Variants in CELF4 observed in about 807,000 individuals in gnomAD.
CELF4 encodes CUG-BP- and ETR-3-like factor 4.
In CELF4, 18 loss-of-function variants were observed where a neutral mutation model predicts 59.9. That is an observed-to-expected ratio of 0.30 (90% confidence interval 0.21 to 0.45). CELF4 has a LOEUF of 0.45. Among genes scored for constraint, CELF4 ranks in the 20% least tolerant of loss-of-function variants. The pLI, the probability that CELF4 is intolerant of heterozygous loss-of-function variation, is 1.00. For synonymous variants in CELF4, 261 were observed against 267.1 expected, an observed-to-expected ratio of 0.98 and a Z score of 0.22; for missense variants, 456 against 689.0, an observed-to-expected ratio of 0.66 and a Z score of 3.79.
chr18:37,359,937 C>G (rs909752272), intron 2 of CELF4, among the ~76,000 whole-genome samples: 8 of 151,850 alleles, frequency 5.3e-5, no homozygotes, highest in Non-Finnish European at 8.8e-5. Flanking sequence ...GCAACCTCCA[C>G]TTCCCCAGTT....
At position 37,295,817 on chromosome 18, in the gene CELF4, T is replaced by C. The variant is rs80180211; in HGVS notation, c.449-20574A>G. ...AAACCTAGAGTTGATCTTTCCAGCA[T>C]TGGCGGCGAGAGGAAGAGGAACTGC... On this transcript the variant is annotated intron_variant, in intron 3 of 12. Coordinates refer to ENST00000420428, the MANE Select transcript of CELF4 (RefSeq NM_020180.4). 1.8e-3 allele frequency among the ~76,000 whole-genome samples: 276 copies of C among 152,340 alleles called. 3 individuals are homozygous for C. The East Asian group carries it at 0.045, about 25-fold the overall frequency.
intron 2 of CELF4, among the ~76,000 whole-genome samples, chr18:37,359,249 A>T (rs1018956100): frequency 1.3e-5 from 2 of 152,360 alleles, no homozygotes; most frequent in African/African-American, 4.8e-5. Flanking sequence ...AGGATCTCAG[A>T]GGTGCCAAAG....
In CELF4 at chr18:37,505,915, G is replaced by A. The variant is rs190647142; in HGVS notation, c.287-20308C>T. Among the ~76,000 whole-genome samples the A allele has an allele frequency of 1.9e-3, 287 of 152,302 alleles. 2 individuals carry two copies. The highest frequency in any genetic ancestry group is 1.7e-3 in the Non-Finnish European group (113 of 68,032). ...GCCCAGTCCTCCCAGAACCACACTG[G>A]AGCAAGTCTTTTCCATGAGGCACGT... On this transcript the variant is annotated intron_variant, in intron 1 of 12. Coordinates refer to ENST00000420428, the MANE Select transcript of CELF4 (RefSeq NM_020180.4).
At chr18:37,390,119 C>T (rs1164109213) in intron 2 of CELF4, among the ~76,000 whole-genome samples, 1 of 152,208 alleles carries the variant, frequency 6.6e-6, no homozygotes, top group Non-Finnish European at 1.5e-5. Context: ...AGGATGGCTT[C>T]TAGGACACCT....
intron 2 of CELF4, among the ~76,000 whole-genome samples, chr18:37,476,268 G>A (rs1022462534): frequency 1.3e-5 from 2 of 152,216 alleles, no homozygotes; most frequent in Admixed American, 6.5e-5. Context: ...GGGTGGAGCC[G>A]AGTGTTCGGC....
chr18:37,287,287 T>C (rs1018997860), intron 3 of CELF4, among the ~76,000 whole-genome samples: 1 of 152,236 alleles, frequency 6.6e-6, no homozygotes, highest in African/African-American at 2.4e-5. Context: ...CCTCAGGCAC[T>C]GCGTCCCTGG....
At chr18:37,271,010 T>C in intron 7 of CELF4, 93 bp from the exon 8 acceptor site, 1 of 1,131,646 alleles carries the variant, frequency 8.8e-7, no homozygotes, top group Non-Finnish European at 1.2e-6. Context: ...CTCAACTGTT[T>C]CCAAGGACCT....
Position 37,337,834 on chromosome 18 carries a change from T to C in CELF4, c.370-15953A>G, listed in dbSNP as rs1025158228. On this transcript the variant is annotated intron_variant, in intron 2 of 12. Transcript: ENST00000420428. ...GGCCACTGTGCCAGGGACAGGATTC[T>C]TGGTTTAGTTCTTCTAGAAAAGTTG... Among the ~76,000 whole-genome samples the C allele has an allele frequency of 9.9e-5, 15 of 152,222 alleles. 1 individual carries two copies. Among genetic ancestry groups the C allele is most frequent in the African/African-American group, 3.6e-4 (15 of 41,454 alleles).
At chr18:37,352,139 A>C (rs978511859) in intron 2 of CELF4, among the ~76,000 whole-genome samples, 1 of 152,182 alleles carries the variant, frequency 6.6e-6, no homozygotes, top group African/African-American at 2.4e-5. Flanking sequence ...TATTCTGAAA[A>C]CTGGGAATTT....
intron 1 of CELF4, among the ~76,000 whole-genome samples, chr18:37,530,886 AAGTC>A (rs1242359719): frequency 1.3e-5 from 2 of 151,902 alleles, no homozygotes; most frequent in Admixed American, 1.3e-4. Flanking sequence ...AGGAAGGAAA[AAGTC>A]AGCAGGATTA....
intron 1 of CELF4, among the ~76,000 whole-genome samples, chr18:37,490,389 A>C (rs2099897689): frequency 6.6e-6 from 1 of 152,228 alleles, no homozygotes; most frequent in African/African-American, 2.4e-5. Flanking sequence ...AGGAAAAAAA[A>C]AATCTTTACT....
chr18:37,507,268 C>T (rs757751432), intron 1 of CELF4, among the ~76,000 whole-genome samples: 11 of 152,194 alleles, frequency 7.2e-5, no homozygotes, highest in Non-Finnish European at 1.2e-4. Context: ...GAGGAGGCCC[C>T]TCCCCTTCTC....
intron 7 of CELF4, among the ~76,000 whole-genome samples, chr18:37,271,691 G>T (rs1326963213): frequency 1.3e-5 from 2 of 152,102 alleles, no homozygotes; most frequent in African/African-American, 4.8e-5. Context: ...TCTTAATTCT[G>T]GCCTTCTCTC....
intron 1 of CELF4, among the ~76,000 whole-genome samples, chr18:37,545,959 C>T (rs547605062): frequency 2.6e-5 from 4 of 152,226 alleles, no homozygotes; most frequent in East Asian, 3.9e-4. Context: ...ACTTAGCGTC[C>T]CACCCAACTA....
At chr18:37,267,430 G>A (rs1453294841) in intron 8 of CELF4, among the ~76,000 whole-genome samples, 2 of 152,196 alleles carry the variant, frequency 1.3e-5, no homozygotes, top group African/African-American at 2.4e-5. Flanking sequence ...CTGAAGCATG[G>A]GCCAGCAGTA....
intron 2 of CELF4, among the ~76,000 whole-genome samples, chr18:37,395,081 T>A (rs2099226184): frequency 6.6e-6 from 1 of 152,060 alleles, no homozygotes; most frequent in Non-Finnish European, 1.5e-5. Context: ...GTTTCCCATA[T>A]CTTCCTGGGC....
intron 11 of CELF4, among the ~76,000 whole-genome samples, chr18:37,256,724 A>G (rs972411118): frequency 2.0e-5 from 3 of 152,072 alleles, no homozygotes; most frequent in African/African-American, 7.2e-5. Context: ...AGGTGGGATT[A>G]CAGGCGCACA....
chr18:37,496,306 A>G lies in CELF4; in HGVS notation c.287-10699T>C, dbSNP rs995297713. Among the ~76,000 whole-genome samples the G allele has an allele frequency of 2.0e-5, 3 of 152,002 alleles. No homozygotes were observed. In the South Asian group the frequency reaches 6.2e-4, roughly 32 times the overall value. On this transcript the variant is annotated intron_variant, in intron 1 of 12. Coordinates refer to ENST00000420428, the MANE Select transcript of CELF4 (RefSeq NM_020180.4). ...CCCAGGGCTGGACCTCTTCTCTGGA[A>G]CCCCCTTACCAAGCCCCAGGATGGG...
intron 1 of CELF4, among the ~76,000 whole-genome samples, chr18:37,543,218 C>T (rs926301732): frequency 5.9e-5 from 9 of 152,204 alleles, no homozygotes; most frequent in African/African-American, 1.9e-4. Flanking sequence ...CGAGGTGACC[C>T]ATTTCATTCC....
Sources: gnomAD v4.1 joint callset for allele counts (sites outside exome capture counted in the v4.1 genomes callset) on GRCh38, gnomAD v4.1.1 for gene constraint, MANE v1.5 for transcripts, NCBI Gene and HGNC (gene_info 2026-07-23, HGNC 2026-07-21) for gene names.